Variants in HEATR5B observed in about 807,000 individuals in gnomAD.
HEATR5B encodes the protein HEAT repeat containing 5B, also known as HEAT repeat-containing protein 5B.
In HEATR5B, 156 loss-of-function variants were observed where a neutral mutation model predicts 224.1. That is an observed-to-expected ratio of 0.70 (90% CI 0.61 to 0.80). The LOEUF (loss-of-function observed/expected upper bound fraction) is 0.80. Ranked by LOEUF, HEATR5B falls within the 30% of genes least tolerant of loss-of-function variation. The probability of loss-of-function intolerance (pLI) is 0.00; values close to 1 mark genes in which losing one functional copy is unlikely to be tolerated. For missense variants in HEATR5B, 2,323 were observed against 2,535.5 expected (o/e 0.92, Z 1.80); for synonymous variants, 1,027 against 893.0 (o/e 1.15, Z -2.68).
rs983241075 is a variant in HEATR5B, at chr2:37,061,959, A to G, written c.1676T>C (p.Leu559Pro). Residue 559 changes from leucine to proline, a missense_variant, in exon 11 of 36, where the codon CTT (leucine) becomes CCT (proline). This residue lies in a region of HEATR5B where 502 missense variants were observed against 517.8 expected (regional missense o/e 0.97). Transcript: ENST00000233099. ...LQRTQAGWLL[L>P]GALMTLGPSV... Reference sequence around the variant, plus strand: ...TATACCTAAAGTCATAAGTGCTCCAAGTAAAAGCCAGCCAGCTTGGGTGCG... The same window carrying G: ...TATACCTAAAGTCATAAGTGCTCCAGGTAAAAGCCAGCCAGCTTGGGTGCG... 11 of 1,613,034 alleles carry G rather than the reference A, an allele frequency of 6.8e-6. No homozygotes were observed. Among genetic ancestry groups the G allele is most frequent in the Non-Finnish European group, 9.3e-6 (11 of 1,179,170 alleles).
chr2:37,028,966 A>G (rs1209540347), intron 22 of HEATR5B, 46 bp from the exon 23 acceptor site: 1 of 1,582,712 alleles, frequency 6.3e-7, no homozygotes, highest in Admixed American at 1.8e-5. Flanking sequence ...ATTTTGGTGT[A>G]CGCTATAGGT....
In HEATR5B at chr2:37,007,326, TA is replaced by T. The variant is rs748169939; in HGVS notation, c.4523-23del. 3.8e-6 allele frequency: 5 copies of T among 1,307,620 alleles called. No individual in the cohort carries two copies. In the South Asian group the frequency reaches 6.5e-5, roughly 17 times the overall value. The allele number at this position is 1,307,620 out of a possible 1,614,324, so 81.0% of individuals were successfully genotyped here. A position where few individuals can be genotyped will look rare whatever the true frequency, so the allele number is the denominator to read the frequency against. On this transcript the variant is annotated intron_variant, in intron 28 of 35. Coordinates refer to ENST00000233099, the MANE Select transcript of HEATR5B (RefSeq NM_019024.3). ...CCACCTGTAAAGCAATCAAATCAAT[TA>T]AAAACATTACTTTTTTTTTTTTTTT...
chr2:36,985,684 C>A (rs1485787249), intron 35 of HEATR5B, among the ~76,000 whole-genome samples: 1 of 139,804 alleles, frequency 7.2e-6, no homozygotes, highest in Non-Finnish European at 1.5e-5. Flanking sequence ...CCAGGCTGGT[C>A]CTGAACTCCT....
chr2:37,041,389 A>G (rs1245193672), intron 18 of HEATR5B, 97 bp from the exon 19 acceptor site: 15 of 1,106,092 alleles, frequency 1.4e-5, no homozygotes, highest in Non-Finnish European at 2.0e-5. Context: ...TATTGGGGAA[A>G]TAAGAAAAGA....
intron 27 of HEATR5B, among the ~76,000 whole-genome samples, chr2:37,012,209 G>T (rs964324997): frequency 6.6e-6 from 1 of 152,104 alleles, no homozygotes; most frequent in East Asian, 1.9e-4. Context: ...GTGCGTGTGT[G>T]TATAATTTCT....
chr2:37,084,279 G>A lies in HEATR5B; in HGVS notation c.-33C>T, dbSNP rs1457798839. On this transcript the variant is annotated 5_prime_UTR_variant, in exon 1 of 36. Coordinates refer to ENST00000233099, the MANE Select transcript of HEATR5B (RefSeq NM_019024.3). Reference sequence around the variant, plus strand: ...CTTCGGCGACCTCACCTCGTAGTCTGGAAGGGAAGATCAGCTGAGCTCCGG... The same window carrying A: ...CTTCGGCGACCTCACCTCGTAGTCTAGAAGGGAAGATCAGCTGAGCTCCGG... 2.5e-6 allele frequency: 1 copy of A among 393,772 alleles called. No individual in the cohort carries two copies. The allele number at this position is 393,772 out of a possible 1,614,324, so 24.4% of individuals were successfully genotyped here.
intron 29 of HEATR5B, among the ~76,000 whole-genome samples, chr2:37,006,574 G>A (rs2706813): frequency 0.26 from 39,975 of 152,110 alleles, 6,672 homozygotes; most frequent in African/African-American, 0.47. Context: ...CCAGGAGGCG[G>A]AGGTTGCGGT....
intron 30 of HEATR5B, among the ~76,000 whole-genome samples, chr2:37,003,933 GATCATTCTCCTATT>G (rs1304135291): frequency 2.6e-5 from 4 of 152,164 alleles, no homozygotes; most frequent in African/African-American, 4.8e-5. Flanking sequence ...ATTCAGAGAT[GATCATTCTCCTATT>G]GGAAGGAAAT....
At chr2:37,000,441 G>C in intron 33 of HEATR5B, 145 bp downstream of exon 33, 1 of 654,570 alleles carries the variant, frequency 1.5e-6, no homozygotes, top group Non-Finnish European at 2.7e-6. Flanking sequence ...GAGTATTAAA[G>C]TTCACATCTG....
In HEATR5B at chr2:37,020,808, G is replaced by A. The variant is rs140728020; in HGVS notation, c.3882C>T (p.Asp1294=). 4 of 1,574,288 alleles carry A rather than the reference G, an allele frequency of 2.5e-6. No homozygotes were observed. The highest frequency in any genetic ancestry group is 1.4e-5 in the African/African-American group (1 of 72,500). Reference sequence around the variant, plus strand: ...CAGCCATGAATGCCATGCGAATGAGGTCAGAGAGATGAAGTACCAAGAGGT... The same window carrying A: ...CAGCCATGAATGCCATGCGAATGAGATCAGAGAGATGAAGTACCAAGAGGT... The part of the protein sequence containing the change: ...TNDLLVLHLS[D]LIRMAFMAAT... Residue 1294 remains aspartate (D), a synonymous_variant, in exon 25 of 36, where the codon GAC becomes GAT. Transcript: ENST00000233099.
rs1268107535 is a variant in HEATR5B at position 37,040,599 on chromosome 2, G to A, written c.2857-81C>T. On this transcript the variant is annotated intron_variant, in intron 19 of 35. Transcript: ENST00000233099. ...TTGAGTATACTGAATTGTTACATGG[G>A]TATACTCTTAATATTTTTAGGCCTA... The A allele has an allele frequency of 1.1e-5, 11 of 996,570 alleles. No individual in the cohort carries two copies. In the South Asian group the frequency reaches 1.5e-4, roughly 14 times the overall value. 61.7% of individuals were successfully genotyped at this position (996,570 alleles called of 1,614,324 possible).
chr2:37,064,887 C>T lies in HEATR5B; in HGVS notation c.1437G>A (p.Gln479=). ...LRCVAVALPF[Q]LTPFLDRCAE... The stretch of plus-strand genomic sequence containing the variant: ...CACACCTGTCTAGAAATGGTGTCAG[C>T]TGGAAAGGTAATGCCACAGCCACAC... Residue 479 remains glutamine (Q), a synonymous_variant, in exon 10 of 36, where the codon CAG becomes CAA. Transcript: ENST00000233099. 6.2e-7 allele frequency: 1 copy of T among 1,614,088 alleles called. No individual in the cohort carries two copies. Among genetic ancestry groups the T allele is most frequent in the Non-Finnish European group, 8.5e-7 (1 of 1,180,008 alleles).
chr2:37,000,915 GTT>G, intron 32 of HEATR5B, 102 bp from the exon 33 acceptor site: 1 of 733,348 alleles, frequency 1.4e-6, no homozygotes, highest in Non-Finnish European at 2.2e-6. Flanking sequence ...GTTTAATATT[GTT>G]TTTTTCCTTG....
At position 36,988,553 on chromosome 2, in the gene HEATR5B, C is replaced by T. The variant is rs142314928; in HGVS notation, c.5911+93G>A. The T allele has an allele frequency of 1.5e-4, 166 of 1,096,610 alleles. 1 individual carries two copies. Among genetic ancestry groups the T allele is most frequent in the Middle Eastern group, 9.1e-4 (3 of 3,280 alleles). 67.9% of individuals were successfully genotyped at this position (1,096,610 alleles called of 1,614,324 possible). On this transcript the variant is annotated intron_variant, in intron 35 of 35. Coordinates refer to ENST00000233099, the MANE Select transcript of HEATR5B (RefSeq NM_019024.3). ...GGGACTCCCAAAGTGTAAGCCACTGCGCCCAGCAGGCCTGTTTCTAATATC... is the reference window on the plus strand; with the variant it reads ...GGGACTCCCAAAGTGTAAGCCACTGTGCCCAGCAGGCCTGTTTCTAATATC...
chr2:37,023,626 G>A (rs1047447644), intron 24 of HEATR5B, among the ~76,000 whole-genome samples: 4 of 151,872 alleles, frequency 2.6e-5, no homozygotes, highest in Non-Finnish European at 4.4e-5. Flanking sequence ...AAAATTAGCT[G>A]GACATGGCGG....
chr2:37,056,319 G>C lies in HEATR5B; in HGVS notation c.2399+121C>G, dbSNP rs983461518. On this transcript the variant is annotated intron_variant, in intron 16 of 35. Coordinates refer to ENST00000233099, the MANE Select transcript of HEATR5B (RefSeq NM_019024.3). ...CACTTACATTAGTAAATCTGTAAGAGTACTGTTTTAAGTATTATAATAACT... is the reference window on the plus strand; with the variant it reads ...CACTTACATTAGTAAATCTGTAAGACTACTGTTTTAAGTATTATAATAACT... 1.3e-4 allele frequency: 81 copies of C among 607,792 alleles called. 1 individual carries two copies. Among genetic ancestry groups the C allele is most frequent in the Non-Finnish European group, 4.6e-5 (17 of 372,932 alleles). 37.6% of individuals were successfully genotyped at this position (607,792 alleles called of 1,614,324 possible).
Position 37,032,664 on chromosome 2 carries a change from G to C in HEATR5B, c.3326C>G (p.Ala1109Gly). Reference protein sequence around the residue: ...AEVCEYAMSLAKNTGDKESSS... With the variant: ...AEVCEYAMSLGKNTGDKESSS... Reference sequence around the variant, plus strand: ...GCTCTCTTTGTCCCCTGTATTTTTTGCCAGGCTCATGGCATATTCACATAC... The same window carrying C: ...GCTCTCTTTGTCCCCTGTATTTTTTCCCAGGCTCATGGCATATTCACATAC... Residue 1109 changes from alanine to glycine, a missense_variant, in exon 22 of 36, where the codon GCA becomes GGA. Physicochemically the swap from Ala to Gly is moderately conservative, Grantham distance 60 (BLOSUM62 0). Around this residue, in one of 12 missense-constraint regions of HEATR5B, gnomAD observed 339 missense variants for 378.4 expected, o/e 0.90. Transcript: ENST00000233099. 6.2e-7 allele frequency: 1 copy of C among 1,612,600 alleles called. No individual in the cohort carries two copies. The highest frequency in any genetic ancestry group is 8.5e-7 in the Non-Finnish European group (1 of 1,179,628).
At chr2:37,065,952 T>A in intron 8 of HEATR5B, 42 bp from the exon 9 acceptor site, 2 of 1,561,972 alleles carry the variant, frequency 1.3e-6, no homozygotes, top group Non-Finnish European at 1.7e-6. Flanking sequence ...GAGAAATGAA[T>A]TGTGGTATGA....
At chr2:37,026,393 G>A (rs1041187020) in intron 24 of HEATR5B, among the ~76,000 whole-genome samples, 1 of 152,180 alleles carries the variant, frequency 6.6e-6, no homozygotes, top group Non-Finnish European at 1.5e-5. Flanking sequence ...GTGGGCATTT[G>A]TTATAGCAGC....
Sources: gnomAD v4.1 joint callset for allele counts (sites outside exome capture counted in the v4.1 genomes callset) on GRCh38, gnomAD v4.1.1 for gene constraint, gnomAD v4.1.1 regional missense constraint, MANE v1.5 for transcripts, NCBI Gene and HGNC (gene_info 2026-07-23, HGNC 2026-07-21) for gene names.